ABLIM2: variants seen among roughly 807,000 people sequenced by gnomAD.
ABLIM2 encodes actin-binding LIM protein 2.
ABLIM2 carries 53 observed loss-of-function variants against 97.7 expected under a neutral mutation model. The observed-to-expected ratio is 0.54, with a 90% CI of 0.44 to 0.68. The LOEUF is 0.68. Ranked by LOEUF, ABLIM2 falls within the 30% of genes least tolerant of loss-of-function variation. ABLIM2 has a pLI of 0.00. For synonymous variants in ABLIM2, 361 were observed against 345.8 expected (o/e 1.04, Z -0.49); for missense variants, 835 against 867.2 (o/e 0.96, Z 0.47).
At chr4:8,103,680 G>A (rs957275110) in intron 2 of ABLIM2, among the ~76,000 whole-genome samples, 7 of 152,212 alleles carry the variant, frequency 4.6e-5, no homozygotes, top group Middle Eastern at 3.2e-3. Flanking sequence ...ATCGCCTGTC[G>A]CTGGCGAGGA....
chr4:8,031,109 G>A (rs560855017), intron 10 of ABLIM2, among the ~76,000 whole-genome samples: 3 of 152,348 alleles, frequency 2.0e-5, no homozygotes, highest in East Asian at 3.9e-4. Context: ...GGCTGGACTG[G>A]GAATCCTGGC....
chr4:7,997,410 C>T (rs1367067342), intron 16 of ABLIM2, among the ~76,000 whole-genome samples: 1 of 152,102 alleles, frequency 6.6e-6, no homozygotes. Context: ...CCATTTTCTT[C>T]CTCCTCTCTT....
In ABLIM2 at chr4:8,155,671, G is replaced by A. The variant is rs1015140440; in HGVS notation, c.10+3009C>T. 6.6e-6 allele frequency among the ~76,000 whole-genome samples: 1 copy of A among 152,198 alleles called. No individual in the cohort carries two copies. Among genetic ancestry groups the A allele is most frequent in the Non-Finnish European group, 1.5e-5 (1 of 68,034 alleles). The stretch of plus-strand genomic sequence containing the variant: ...ACAGGACCTTTAAGGAGACCACTAA[G>A]GTGAAACGAGGTCATGAGGGTAGGC... On this transcript the variant is annotated intron_variant, in intron 1 of 20. Transcript: ENST00000447017. This position sits in a 1 kb window ranked among gnomAD's most constrained non-coding sequence, Gnocchi z 4.2.
chr4:8,105,194 C>A (rs1172192896), intron 2 of ABLIM2, among the ~76,000 whole-genome samples: 1 of 152,186 alleles, frequency 6.6e-6, no homozygotes, highest in Non-Finnish European at 1.5e-5. Flanking sequence ...GATTTCTACT[C>A]CCGAGGTTCT....
intron 1 of ABLIM2, among the ~76,000 whole-genome samples, chr4:8,126,726 C>G (rs1157281832): frequency 6.6e-6 from 1 of 152,032 alleles, no homozygotes; most frequent in Non-Finnish European, 1.5e-5. Flanking sequence ...CTGACCCCTT[C>G]CTGCCAGATG....
At position 8,003,495 on chromosome 4, in the gene ABLIM2, C is replaced by T. The variant is rs1758673346; in HGVS notation, c.1618+4564G>A. 6.6e-6 allele frequency among the ~76,000 whole-genome samples: 1 copy of T among 151,938 alleles called. No homozygotes were observed. Among genetic ancestry groups the T allele is most frequent in the African/African-American group, 2.4e-5 (1 of 41,366 alleles). ...GTCCCATGTCAGAAGTTGGGGACTG[C>T]CTGAATCTGTTGACTGGCAGCTCCC... On this transcript the variant is annotated intron_variant, in intron 16 of 20. Transcript: ENST00000447017. This position sits in a 1 kb window ranked among gnomAD's most constrained non-coding sequence, Gnocchi z 4.2.
intron 2 of ABLIM2, among the ~76,000 whole-genome samples, chr4:8,097,731 GT>G (rs993447273): frequency 1.5e-4 from 23 of 152,138 alleles, no homozygotes; most frequent in Admixed American, 4.6e-4. Context: ...GGGGCCGAAG[GT>G]TCCCAGGAGG....
At chr4:7,989,936 G>T (rs1747368839) in intron 17 of ABLIM2, among the ~76,000 whole-genome samples, 1 of 152,198 alleles carries the variant, frequency 6.6e-6, no homozygotes, top group Non-Finnish European at 1.5e-5. Flanking sequence ...TTCAAGGGTA[G>T]GTTATGAGCA....
intron 20 of ABLIM2, among the ~76,000 whole-genome samples, chr4:7,980,728 A>G (rs909108526): frequency 6.6e-6 from 1 of 151,732 alleles, no homozygotes; most frequent in Non-Finnish European, 1.5e-5. Context: ...GAAAAAAAAA[A>G]AAAGACTCTG....
intron 6 of ABLIM2, among the ~76,000 whole-genome samples, chr4:8,065,350 C>A (rs367745782): frequency 6.9e-4 from 105 of 152,316 alleles, no homozygotes; most frequent in Middle Eastern, 6.8e-3. Flanking sequence ...AGATGCTCAA[C>A]ATCCTTGTCA....
In ABLIM2 at chr4:8,021,529, C is replaced by T. The variant is rs968253403; in HGVS notation, c.1268-1226G>A. Among the ~76,000 whole-genome samples the T allele has an allele frequency of 2.6e-5, 4 of 152,246 alleles. No individual in the cohort carries two copies. The highest frequency in any genetic ancestry group is 9.6e-5 in the African/African-American group (4 of 41,468). Reference sequence around the variant, plus strand: ...AGAACGTTCCCTCAAGCTGCACAGCCTTTCAGAGCAGCAGGACCCTGCGGT... The same window carrying T: ...AGAACGTTCCCTCAAGCTGCACAGCTTTTCAGAGCAGCAGGACCCTGCGGT... On this transcript the variant is annotated intron_variant, in intron 12 of 20. Coordinates refer to ENST00000447017, the MANE Select transcript of ABLIM2 (RefSeq NM_001130083.2). The surrounding 1 kb of genome is among the most constrained non-coding windows in gnomAD (Gnocchi z 5.5).
rs546789510 is a variant in ABLIM2 at position 8,020,243 on chromosome 4, G to A, written c.1328C>T (p.Pro443Leu). ...GCGAGGTGCCTGCTGGTAGGTGGAG[G>A]GGGGCGGCTTGCTGTCAGAGAGCAC... ...LSVLSDSKPP[P>L]STYQQAPRHF... The change falls in exon 13 of 21, where the codon CCC (proline) becomes CTC (leucine). Residue 443 changes from proline to leucine, a missense_variant. Coordinates refer to ENST00000447017, the MANE Select transcript of ABLIM2 (RefSeq NM_001130083.2). The A allele has an allele frequency of 1.2e-6, 2 of 1,613,934 alleles. No homozygotes were observed. The highest frequency in any genetic ancestry group is 1.3e-5 in the African/African-American group (1 of 75,036).
At chr4:8,036,926 G>C (rs1233384109) in intron 9 of ABLIM2, among the ~76,000 whole-genome samples, 1 of 151,930 alleles carries the variant, frequency 6.6e-6, no homozygotes, top group Non-Finnish European at 1.5e-5. Flanking sequence ...TTGGCCCCAG[G>C]ACCCTCCTCA....
intron 4 of ABLIM2, among the ~76,000 whole-genome samples, chr4:8,081,729 G>C (rs562185475): frequency 6.6e-6 from 1 of 152,312 alleles, no homozygotes; most frequent in Admixed American, 6.5e-5. Flanking sequence ...CAGGGGCGGG[G>C]AGTGGGAGGC....
At chr4:8,024,099 C>T (rs960395722) in intron 12 of ABLIM2, among the ~76,000 whole-genome samples, 1 of 152,184 alleles carries the variant, frequency 6.6e-6, no homozygotes, top group African/African-American at 2.4e-5. Context: ...AGAGGCGCTG[C>T]CGGGGTCTGG....
chr4:8,103,913 A>G (rs543045112), intron 2 of ABLIM2, among the ~76,000 whole-genome samples: 1 of 152,354 alleles, frequency 6.6e-6, no homozygotes, highest in South Asian at 2.1e-4. Flanking sequence ...CTTTTAAAAT[A>G]GGCTTTTAAA....
At position 8,018,107 on chromosome 4, in the gene ABLIM2, G is replaced by T. The variant is rs373839846; in HGVS notation, c.1423+1511C>A. On this transcript the variant is annotated intron_variant, in intron 14 of 20. Transcript: ENST00000447017. ...AACTCTTTGTCTTAGATCTGGGTCT[G>T]TTGGATGACAATGAACAATTTCATA... is the stretch of plus-strand genomic sequence containing the variant. Among the ~76,000 whole-genome samples, 44 of 152,254 alleles carry T rather than the reference G, an allele frequency of 2.9e-4. No homozygotes were observed. In the East Asian group the frequency reaches 3.7e-3, roughly 13 times the overall value.
intron 4 of ABLIM2, among the ~76,000 whole-genome samples, chr4:8,081,250 C>T (rs1029005923): frequency 2.0e-5 from 3 of 152,204 alleles, no homozygotes; most frequent in Admixed American, 6.5e-5. Context: ...CCCAGCCAGC[C>T]AAACCCACCT....
At chr4:8,146,276 G>A (rs1053640112) in intron 1 of ABLIM2, among the ~76,000 whole-genome samples, 4 of 152,144 alleles carry the variant, frequency 2.6e-5, no homozygotes, top group Non-Finnish European at 2.9e-5. Flanking sequence ...ATAACAACAC[G>A]AAGATATGGT....
Sources: gnomAD v4.1 joint callset for allele counts (sites outside exome capture counted in the v4.1 genomes callset) on GRCh38, gnomAD v4.1.1 for gene constraint, Gnocchi (gnomAD v3.1) non-coding constraint, MANE v1.5 for transcripts, NCBI Gene and HGNC (gene_info 2026-07-23, HGNC 2026-07-21) for gene names.